Variants in VRK2 observed in about 807,000 individuals in gnomAD.
VRK2 encodes the protein VRK serine/threonine kinase 2.
In VRK2, 60 loss-of-function variants were observed where a neutral mutation model predicts 57.6. The observed-to-expected ratio is 1.04, with a 90% CI of 0.85 to 1.29. VRK2 has a LOEUF of 1.29. VRK2 is among the 50% of genes most tolerant of loss of function. VRK2 has a pLI of 0.00. For synonymous variants in VRK2, 231 were observed against 199.2 expected, an observed-to-expected ratio of 1.16 and a Z score of -1.35; for missense variants, 705 against 588.1, an observed-to-expected ratio of 1.20 and a Z score of -2.06.
In VRK2 at chr2:58,089,684, A is replaced by G; in HGVS notation, c.504A>G (p.Lys168=). 1 of 1,608,784 alleles carries G rather than the reference A, an allele frequency of 6.2e-7. No homozygotes were observed. The highest frequency in any genetic ancestry group is 1.1e-5 in the South Asian group (1 of 90,536). ...ATGAATATGTTCATGGTGATATAAA[A>G]GCAGCAAATCTACTTTTGGGTTACA... ...HENEYVHGDI[K]AANLLLGYKN... is the part of the protein sequence containing the mutation. The change falls in exon 7 of 13, where the codon AAA becomes AAG. Residue 168 remains lysine, a synonymous_variant. Coordinates refer to ENST00000340157, the MANE Select transcript of VRK2 (RefSeq NM_006296.7).
intron 7 of VRK2, among the ~76,000 whole-genome samples, chr2:58,114,665 G>A (rs1182722668): frequency 7.9e-5 from 12 of 151,524 alleles, no homozygotes; most frequent in South Asian, 4.1e-4. Flanking sequence ...TCTTGAAGAC[G>A]GAGGACCATA....
chr2:57,928,999 C>T (rs13020382), intron 1 of VRK2, among the ~76,000 whole-genome samples: 38 of 152,276 alleles, frequency 2.5e-4, no homozygotes, highest in African/African-American at 8.2e-4. Flanking sequence ...TGTGCTGGGT[C>T]GGACCTAAAG....
At position 58,089,651 on chromosome 2, in the gene VRK2, A is replaced by G. The variant is rs35966666; in HGVS notation, c.471A>G (p.Ile157Met). The change falls in exon 7 of 13, where the codon ATA (isoleucine) becomes ATG (methionine). Residue 157 changes from isoleucine (I) to methionine (M), a missense_variant. Physicochemically the swap from Ile to Met is conservative, Grantham distance 10. Transcript: ENST00000340157. The stretch of plus-strand genomic sequence containing the variant: ...CACAGTTGGATGTACTGGAATATAT[A>G]CATGAAAATGAATATGTTCATGGTG... ...GIRMLDVLEY[I>M]HENEYVHGDI... 1.0e-4 allele frequency: 164 copies of G among 1,603,000 alleles called. 2 individuals carry two copies. The East Asian group carries it at 3.1e-3, about 30-fold the overall frequency.
rs1485940448 is a variant in VRK2 at position 58,086,419 on chromosome 2, G to C, written c.337G>C (p.Gly113Arg). ...TGGATCTGGTCTGACTGAATTCAAG[G>C]GAAGAAGGTAAAATGGAATTATTAT... is the stretch of plus-strand genomic sequence containing the variant. ...FYGSGLTEFK[G>R]RSYRFMVMER... The change falls in exon 5 of 13, where the codon GGA becomes CGA. Residue 113 changes from glycine to arginine, a missense_variant. Coordinates refer to ENST00000340157, the MANE Select transcript of VRK2 (RefSeq NM_006296.7). The C allele has an allele frequency of 1.3e-6, 2 of 1,586,326 alleles. No homozygotes were observed. Among genetic ancestry groups the C allele is most frequent in the East Asian group, 4.6e-5 (2 of 43,628 alleles).
At chr2:58,035,880 T>C (rs1052443141) in intron 3 of VRK2, among the ~76,000 whole-genome samples, 4 of 152,062 alleles carry the variant, frequency 2.6e-5, no homozygotes, top group Non-Finnish European at 5.9e-5. Flanking sequence ...ATGAGATTAC[T>C]ATGTAAAAAA....
At chr2:58,147,033 A>G (rs1403427784) in intron 12 of VRK2, 1 of 369,026 alleles carries the variant, frequency 2.7e-6, no homozygotes, top group Non-Finnish European at 5.4e-6. Context: ...TTTTGTCAAA[A>G]TGACCAACAT....
intron 1 of VRK2, among the ~76,000 whole-genome samples, chr2:57,962,150 T>C (rs1671781467): frequency 2.0e-5 from 3 of 152,192 alleles, no homozygotes; most frequent in Admixed American, 2.0e-4. Context: ...GCTGAGTACA[T>C]ATCCAGTCCT....
intron 1 of VRK2, among the ~76,000 whole-genome samples, chr2:57,923,403 T>C (rs1376898704): frequency 7.9e-5 from 12 of 151,994 alleles, no homozygotes; most frequent in African/African-American, 2.9e-4. Context: ...TATTTCCTGT[T>C]TTTTAGATAA....
chr2:58,028,895 AATAAATAAATATATATATATATAT>A (rs1379759616), intron 2 of VRK2, among the ~76,000 whole-genome samples: 1 of 57,312 alleles, frequency 1.7e-5, no homozygotes, highest in African/African-American at 7.1e-5. Context: ...TAAATAAATA[AATAAATAAATATATATATATATAT>A]ATATATATAT....
chr2:58,151,915 G>A (rs1179585950), intron 12 of VRK2, among the ~76,000 whole-genome samples: 2 of 150,468 alleles, frequency 1.3e-5, no homozygotes, highest in African/African-American at 2.4e-5. Flanking sequence ...TTCCATAGTG[G>A]CAGAGCTAAC....
intron 1 of VRK2, among the ~76,000 whole-genome samples, chr2:58,024,835 G>C (rs1287768081): frequency 6.6e-6 from 1 of 152,158 alleles, no homozygotes; most frequent in Non-Finnish European, 1.5e-5. Context: ...GTTAGTGTGA[G>C]AGCAATTTTA....
intron 1 of VRK2, among the ~76,000 whole-genome samples, chr2:57,917,155 G>T (rs1001355649): frequency 1.3e-5 from 2 of 152,126 alleles, no homozygotes; most frequent in Non-Finnish European, 2.9e-5. Flanking sequence ...CATGTATCTA[G>T]CTGGCTTGGA....
chr2:58,040,769 G>A (rs977773173), intron 3 of VRK2, among the ~76,000 whole-genome samples: 1 of 152,160 alleles, frequency 6.6e-6, no homozygotes, highest in African/African-American at 2.4e-5. Context: ...CCAACCAAAA[G>A]GTTCACAGTA....
intron 12 of VRK2, among the ~76,000 whole-genome samples, chr2:58,151,500 T>A (rs1683020538): frequency 6.6e-6 from 1 of 151,656 alleles, no homozygotes; most frequent in African/African-American, 2.4e-5. Flanking sequence ...TAGTTGAGCC[T>A]CGCTATTTTA....
At chr2:57,925,329 G>A (rs934923173) in intron 1 of VRK2, among the ~76,000 whole-genome samples, 2 of 151,970 alleles carry the variant, frequency 1.3e-5, no homozygotes, top group Non-Finnish European at 2.9e-5. Flanking sequence ...GCTGCCATTG[G>A]GTTGTAGGCT....
At chr2:58,106,997 C>G (rs1674850763) in intron 7 of VRK2, among the ~76,000 whole-genome samples, 1 of 152,010 alleles carries the variant, frequency 6.6e-6, no homozygotes, top group Admixed American at 6.6e-5. Context: ...ATACAAAACA[C>G]AAATTTGCAT....
chr2:58,146,255 C>A, intron 11 of VRK2, 61 bp from the exon 12 acceptor site: 1 of 1,394,302 alleles, frequency 7.2e-7, no homozygotes, highest in Non-Finnish European at 9.6e-7. Flanking sequence ...GACATATATG[C>A]ATTTTTTAGA....
chr2:57,969,990 T>C (rs1032314765), intron 1 of VRK2, among the ~76,000 whole-genome samples: 7 of 151,878 alleles, frequency 4.6e-5, no homozygotes, highest in Non-Finnish European at 7.4e-5. Flanking sequence ...TTTCATATAA[T>C]GCTATATTCT....
At chr2:58,124,798 T>G (rs1450434096) in intron 8 of VRK2, among the ~76,000 whole-genome samples, 1 of 152,192 alleles carries the variant, frequency 6.6e-6, no homozygotes, top group African/African-American at 2.4e-5. Context: ...GAAACGGAAA[T>G]TATCTTTTAT....
Sources: gnomAD v4.1 joint callset for allele counts (sites outside exome capture counted in the v4.1 genomes callset) on GRCh38, gnomAD v4.1.1 for gene constraint, MANE v1.5 for transcripts, NCBI Gene and HGNC (gene_info 2026-07-23, HGNC 2026-07-21) for gene names.